Variants in PCNX2 observed in about 807,000 individuals in gnomAD.
PCNX2 encodes pecanex 2, also known as pecanex-like protein 2.
In PCNX2, 168 loss-of-function variants were observed where a neutral mutation model predicts 223.8. That is an observed-to-expected ratio of 0.75 (90% confidence interval 0.66 to 0.85). PCNX2 has a LOEUF of 0.85. PCNX2 is among the 40% of genes least tolerant of loss of function. The pLI is 0.00. For missense variants in PCNX2, 2,507 were observed against 2,675.5 expected, an observed-to-expected ratio of 0.94 and a Z score of 1.39; for synonymous variants, 1,006 against 1,052.6, an observed-to-expected ratio of 0.96 and a Z score of 0.86.
intron 23 of PCNX2, among the ~76,000 whole-genome samples, chr1:233,084,928 G>C (rs76972654): frequency 0.013 from 1,990 of 152,304 alleles, 49 homozygotes; most frequent in African/African-American, 0.046. Context: ...TAAAGACCTT[G>C]TTAGTCAAGA....
rs1670034362 is a variant in PCNX2 at position 233,000,259 on chromosome 1, G to C, written c.5328+46C>G. ...CCACCATTCTATTTCTTCTCAGATA[G>C]AGAGACACGAGCCAACAGGGGACCC... is the stretch of plus-strand genomic sequence containing the variant. On this transcript the variant is annotated intron_variant, in intron 30 of 33. Transcript: ENST00000258229. The surrounding 1 kb of genome is among the most constrained non-coding windows in gnomAD (Gnocchi z 4.6). 3 of 1,553,552 alleles carry C rather than the reference G, an allele frequency of 1.9e-6. No individual in the cohort carries two copies. The highest frequency in any genetic ancestry group is 1.8e-6 in the Non-Finnish European group (2 of 1,125,504).
intron 10 of PCNX2, among the ~76,000 whole-genome samples, chr1:233,226,533 G>A (rs766372176): frequency 6.6e-6 from 1 of 152,100 alleles, no homozygotes; most frequent in Non-Finnish European, 1.5e-5. Context: ...GCCTCCCAAA[G>A]TGCTGGGATT....
chr1:233,310,768 A>G, the PCNX2 span, among the ~76,000 whole-genome samples: 2 of 152,110 alleles, frequency 1.3e-5, no homozygotes, highest in Non-Finnish European at 2.9e-5. Flanking sequence ...TGGTGTCAGT[A>G]TTTGCTTCTG....
rs1411982101 is a variant in PCNX2 at position 233,139,784 on chromosome 1, G to A, written c.3589C>T (p.Pro1197Ser). The change falls in exon 20 of 34, where the codon CCA (proline) becomes TCA (serine). Residue 1197 changes from proline (P) to serine (S), a missense_variant. Coordinates refer to ENST00000258229, the MANE Select transcript of PCNX2 (RefSeq NM_014801.4). This position sits in a 1 kb window ranked among gnomAD's most constrained non-coding sequence, Gnocchi z 4.4. ...LQCFEKYILY[P>S]ALILNALTID... ...GTGAGGGCATTCAAAATTAGCGCTG[G>A]GTACAAGATGTATTTTTCAAAACAC... The A allele has an allele frequency of 1.2e-6, 2 of 1,612,680 alleles. No homozygotes were observed. Among genetic ancestry groups the A allele is most frequent in the Non-Finnish European group, 1.7e-6 (2 of 1,179,402 alleles).
At position 233,227,384 on chromosome 1, in the gene PCNX2, A is replaced by G. The variant is rs1367674736; in HGVS notation, c.2359-13T>C. The G allele has an allele frequency of 6.2e-7, 1 of 1,607,552 alleles. No homozygotes were observed. Among genetic ancestry groups the G allele is most frequent in the African/African-American group, 1.3e-5 (1 of 74,488 alleles). On this transcript the variant is annotated splice_polypyrimidine_tract_variant and intron_variant, in intron 9 of 33. Coordinates refer to ENST00000258229, the MANE Select transcript of PCNX2 (RefSeq NM_014801.4). ...CCTGACTCACATGCTTTTAGATACC[A>G]AAAGAAACAACAGAAAAAAGGGCTT...
chr1:233,244,260 G>A (rs982548156), intron 8 of PCNX2, among the ~76,000 whole-genome samples: 1 of 152,180 alleles, frequency 6.6e-6, no homozygotes, highest in African/African-American at 2.4e-5. Context: ...TATCAGTGCT[G>A]GAATTTGAAC....
In PCNX2 at chr1:233,295,037, T is replaced by A. The variant is rs1226020237; in HGVS notation, c.153+289A>T. Among the ~76,000 whole-genome samples the A allele has an allele frequency of 6.6e-6, 1 of 152,100 alleles. No homozygotes were observed. On this transcript the variant is annotated intron_variant, in intron 1 of 33. Transcript: ENST00000258229. The surrounding 1 kb of genome is among the most constrained non-coding windows in gnomAD (Gnocchi z 4.1). ...AGAGTTACCCACCTACAAAACAGGC[T>A]GCACGCTCCCTGCCACAAGCAGAGT... is the stretch of plus-strand genomic sequence containing the variant.
At chr1:233,044,154 G>A (rs1325797996) in intron 25 of PCNX2, among the ~76,000 whole-genome samples, 1 of 152,126 alleles carries the variant, frequency 6.6e-6, no homozygotes, top group East Asian at 1.9e-4. Flanking sequence ...TTCTCTGATG[G>A]CCAGTGATGG....
At chr1:233,102,616 G>A (rs547808053) in intron 21 of PCNX2, among the ~76,000 whole-genome samples, 1 of 152,210 alleles carries the variant, frequency 6.6e-6, no homozygotes, top group East Asian at 1.9e-4. Flanking sequence ...GATGATTAGT[G>A]ATGTAGAGCA....
At chr1:233,262,924 C>A (rs12132556) in intron 2 of PCNX2, 34 bp downstream of exon 2, 525,112 of 1,590,558 alleles carry the variant, frequency 0.33, 89,386 homozygotes, top group South Asian at 0.45. Context: ...AAAACATTTA[C>A]ATTTTGAAGT....
chr1:233,255,636 G>A lies in PCNX2; in HGVS notation c.1834+2392C>T, dbSNP rs116211705. ...GAATTCTAGGATATTTCTGAGACCT[G>A]AGAATAATCCTAAGGCGCTTTGTGA... On this transcript the variant is annotated intron_variant, in intron 5 of 33. Coordinates refer to ENST00000258229, the MANE Select transcript of PCNX2 (RefSeq NM_014801.4). 7.5e-3 allele frequency among the ~76,000 whole-genome samples: 1,135 copies of A among 152,302 alleles called. 9 individuals carry two copies. The highest frequency in any genetic ancestry group is 0.023 in the South Asian group (112 of 4,828).
At chr1:233,159,380 G>A (rs1263763827) in intron 19 of PCNX2, among the ~76,000 whole-genome samples, 1 of 152,074 alleles carries the variant, frequency 6.6e-6, no homozygotes, top group East Asian at 1.9e-4. Flanking sequence ...TGAAGTTGCT[G>A]GTGACAAATT....
At chr1:233,077,655 T>C (rs1253105046) in intron 23 of PCNX2, among the ~76,000 whole-genome samples, 1 of 152,162 alleles carries the variant, frequency 6.6e-6, no homozygotes, top group Non-Finnish European at 1.5e-5. Context: ...AAGCTCCAAC[T>C]ACGCAACCTC....
At chr1:232,998,136 T>C in intron 32 of PCNX2, 115 bp downstream of exon 32, 1 of 1,110,900 alleles carries the variant, frequency 9.0e-7, no homozygotes, top group Non-Finnish European at 1.2e-6. Flanking sequence ...CGGCATCTAT[T>C]GTCCCAATGC....
chr1:233,261,431 G>A, intron 3 of PCNX2, 110 bp from the exon 4 acceptor site: 1 of 968,150 alleles, frequency 1.0e-6, no homozygotes, highest in Non-Finnish European at 1.7e-6. Context: ...GGCATGTAGG[G>A]GAGAGACAAT....
At chr1:233,283,410 T>C (rs1316189660) in intron 1 of PCNX2, among the ~76,000 whole-genome samples, 1 of 152,206 alleles carries the variant, frequency 6.6e-6, no homozygotes, top group East Asian at 1.9e-4. Flanking sequence ...AAAAGGATCA[T>C]GGCTCCTTGG....
At chr1:233,032,945 C>A in intron 25 of PCNX2, 1 of 961,070 alleles carries the variant, frequency 1.0e-6, no homozygotes, top group Non-Finnish European at 1.2e-6. Context: ...ATAATAAAAC[C>A]CAGTAATTTT....
chr1:233,202,113 T>C (rs772954629), intron 13 of PCNX2: 3 of 452,894 alleles, frequency 6.6e-6, no homozygotes, highest in South Asian at 5.0e-5. Flanking sequence ...CAGGTTGCAG[T>C]GAACGTGAAG....
intron 23 of PCNX2, among the ~76,000 whole-genome samples, chr1:233,062,944 C>T (rs1672457336): frequency 6.6e-6 from 1 of 152,070 alleles, no homozygotes; most frequent in South Asian, 2.1e-4. Context: ...AGAATAAAAA[C>T]AAAAGAAGAG....
Sources: allele counts gnomAD v4.1 joint callset (sites outside exome capture counted in the v4.1 genomes callset), GRCh38; gene constraint gnomAD v4.1.1; non-coding constraint Gnocchi (gnomAD v3.1); transcripts MANE v1.5; gene names NCBI Gene and HGNC (gene_info 2026-07-23, HGNC 2026-07-21).